The following RUNX3 variants were observed in gnomAD, a reference collection of about 807,000 sequenced individuals.
The protein encoded by RUNX3 is runt-related transcription factor 3.
Under a neutral mutation model 27.7 loss-of-function variants are expected in RUNX3, and 10 were observed. The observed-to-expected ratio is 0.36, with a 90% CI of 0.22 to 0.61. The LOEUF is 0.61. Among genes scored for constraint, RUNX3 ranks in the 20% least tolerant of loss-of-function variants. The probability of loss-of-function intolerance (pLI) is 0.72; values close to 1 mark genes in which losing one functional copy is unlikely to be tolerated. For synonymous variants in RUNX3, 270 were observed against 269.2 expected, an observed-to-expected ratio of 1.00 and a Z score of -0.03; for missense variants, 469 against 629.5, an observed-to-expected ratio of 0.75 and a Z score of 2.73.
chr1:24,964,995 C>T (rs1236033972), upstream of RUNX3: 2 of 246,120 alleles, frequency 8.1e-6, no homozygotes, highest in African/African-American at 2.2e-5. Context: ...TCCAGTGCCA[C>T]GGGGAATGAA....
intron 2 of RUNX3, among the ~76,000 whole-genome samples, chr1:24,937,223 G>A (rs1641368340): frequency 6.6e-6 from 1 of 152,196 alleles, no homozygotes; most frequent in Admixed American, 6.5e-5. Context: ...TCTGGCCTGT[G>A]ACCCATGCAG....
At chr1:24,918,224 G>A (rs1159389432) in intron 3 of RUNX3, among the ~76,000 whole-genome samples, 1 of 152,192 alleles carries the variant, frequency 6.6e-6, no homozygotes, top group East Asian at 1.9e-4. Context: ...CCAGCCCAGG[G>A]CTAGGCCTCC....
intron 2 of RUNX3, among the ~76,000 whole-genome samples, chr1:24,948,995 A>C (rs534386817): frequency 6.6e-6 from 1 of 152,076 alleles, no homozygotes; most frequent in African/African-American, 2.4e-5. Flanking sequence ...ACAATGAAAA[A>C]TCTTGGAAAA....
rs1485430613 is a variant in RUNX3, at chr1:24,902,793, C to T, written c.704-127G>A. On this transcript the variant is annotated intron_variant, in intron 4 of 4. Transcript: ENST00000308873. This position sits in a 1 kb window ranked among gnomAD's most constrained non-coding sequence, Gnocchi z 9.2. ...GACCCCTAGTTCTAGACCTGGCTCT[C>T]CTCTTCCTGCCCTAGGCTGCCCGGG... The T allele has an allele frequency of 1.3e-6, 1 of 761,378 alleles. No homozygotes were observed. The highest frequency in any genetic ancestry group is 1.8e-5 in the African/African-American group (1 of 56,578). The allele number at this position is 761,378 out of a possible 1,614,324, so 47.2% of individuals were successfully genotyped here. A position where few individuals can be genotyped will look rare whatever the true frequency, so the allele number is the denominator to read the frequency against.
At chr1:24,924,315 C>A (rs559618677) in intron 2 of RUNX3, among the ~76,000 whole-genome samples, 16 of 152,072 alleles carry the variant, frequency 1.1e-4, no homozygotes, top group Middle Eastern at 3.4e-3. Flanking sequence ...CTGCAGTGAT[C>A]GCACCACTGC....
chr1:24,934,396 G>C (rs1057377895), upstream of RUNX3, among the ~76,000 whole-genome samples: 32 of 152,048 alleles, frequency 2.1e-4, no homozygotes, highest in Non-Finnish European at 3.2e-4. Flanking sequence ...GAAAGTTCCA[G>C]ACTTGGAGGG....
chr1:24,930,858 C>T (rs1641212171), upstream of RUNX3, among the ~76,000 whole-genome samples: 1 of 152,174 alleles, frequency 6.6e-6, no homozygotes, highest in African/African-American at 2.4e-5. This position sits in a 1 kb window ranked among gnomAD's most constrained non-coding sequence, Gnocchi z 4.1. Flanking sequence ...GCTCCCAGCC[C>T]TGCGCGGCTT....
At chr1:24,911,820 G>A (rs1302302811) in intron 3 of RUNX3, among the ~76,000 whole-genome samples, 1 of 152,198 alleles carries the variant, frequency 6.6e-6, no homozygotes, top group African/African-American at 2.4e-5. Context: ...GCCTGTTCCG[G>A]GACCCAGGCT....
upstream of RUNX3, among the ~76,000 whole-genome samples, chr1:24,934,201 C>T (rs750747258): frequency 2.5e-4 from 38 of 152,086 alleles, no homozygotes; most frequent in Non-Finnish European, 4.7e-4. Flanking sequence ...AATATATAAG[C>T]GAGAAATGTT....
In RUNX3 at chr1:24,904,702, C is replaced by A. The variant is rs865912384; in HGVS notation, c.704-2036G>T. Among the ~76,000 whole-genome samples, 1 of 152,098 alleles carries A rather than the reference C, an allele frequency of 6.6e-6. No individual in the cohort carries two copies. Among genetic ancestry groups the A allele is most frequent in the Non-Finnish European group, 1.5e-5 (1 of 67,996 alleles). On this transcript the variant is annotated intron_variant, in intron 4 of 4. Transcript: ENST00000308873. The surrounding 1 kb of genome is among the most constrained non-coding windows in gnomAD (Gnocchi z 5.7). Reference sequence around the variant, plus strand: ...GCAGGACTGTGCCCCTCAGAGCTCACGCGGGCTGCAGGGCGCTGGGCTGGG... The same window carrying A: ...GCAGGACTGTGCCCCTCAGAGCTCAAGCGGGCTGCAGGGCGCTGGGCTGGG...
intron 2 of RUNX3, 78 bp from the exon 3 acceptor site, chr1:24,919,422 C>T (rs2124282730): frequency 1.1e-6 from 1 of 875,662 alleles, no homozygotes; most frequent in South Asian, 1.4e-5. Context: ...CCTGTATCTA[C>T]CCCTGGAAGC....
In RUNX3 at chr1:24,900,352, G is replaced by C. The variant is rs1640513351; in HGVS notation, c.*1770C>G. On this transcript the variant is annotated 3_prime_UTR_variant, in exon 5 of 5. Transcript: ENST00000308873. ...CGTTGTGACAGGTTGGGTGGGGACA[G>C]TGCTCTCACAGAGACAACCAATGAA... 2 of 152,410 alleles carry C rather than the reference G, an allele frequency of 1.3e-5. No individual in the cohort carries two copies. Among genetic ancestry groups the C allele is most frequent in the Non-Finnish European group, 2.9e-5 (2 of 68,072 alleles). The allele number at this position is 152,410 out of a possible 1,614,324, so 9.4% of individuals were successfully genotyped here. A position where few individuals can be genotyped will look rare whatever the true frequency, so the allele number is the denominator to read the frequency against.
At chr1:24,919,001 C>T (rs1640942165) in intron 3 of RUNX3, among the ~76,000 whole-genome samples, 1 of 152,222 alleles carries the variant, frequency 6.6e-6, no homozygotes, top group African/African-American at 2.4e-5. Context: ...TTCCTTGACT[C>T]CCTCAGTAGT....
At position 24,919,349 on chromosome 1, in the gene RUNX3, G is replaced by A. The variant is rs1464853346; in HGVS notation, c.440-5C>T. Reference sequence around the variant, plus strand: ...TGGTCAGGGTGAAACTCTTCCCTGGGGAGAGTGGGGAATAGAGGCAGGTGG... The same window carrying A: ...TGGTCAGGGTGAAACTCTTCCCTGGAGAGAGTGGGGAATAGAGGCAGGTGG... On this transcript the variant is annotated splice_region_variant and splice_polypyrimidine_tract_variant and intron_variant, in intron 2 of 4. Coordinates refer to ENST00000308873, the MANE Select transcript of RUNX3 (RefSeq NM_004350.3). 4.4e-6 allele frequency: 7 copies of A among 1,602,978 alleles called. No individual in the cohort carries two copies. Among genetic ancestry groups the A allele is most frequent in the Admixed American group, 1.7e-5 (1 of 59,760 alleles).
intron 2 of RUNX3, among the ~76,000 whole-genome samples, chr1:24,922,855 T>C (rs1471968495): frequency 6.6e-6 from 1 of 150,860 alleles, no homozygotes; most frequent in Non-Finnish European, 1.5e-5. Context: ...CCACTCCCTT[T>C]CTCTATTCCC....
Position 24,902,790 on chromosome 1 carries a change from T to G in RUNX3, c.704-124A>C. On this transcript the variant is annotated intron_variant, in intron 4 of 4. Coordinates refer to ENST00000308873, the MANE Select transcript of RUNX3 (RefSeq NM_004350.3). This position sits in a 1 kb window ranked among gnomAD's most constrained non-coding sequence, Gnocchi z 9.2. ...GGGGACCCCTAGTTCTAGACCTGGC[T>G]CTCCTCTTCCTGCCCTAGGCTGCCC... The G allele has an allele frequency of 1.2e-6, 1 of 806,492 alleles. No individual in the cohort carries two copies. Among genetic ancestry groups the G allele is most frequent in the Non-Finnish European group, 1.8e-6 (1 of 556,234 alleles). 50.0% of individuals were successfully genotyped at this position (806,492 alleles called of 1,614,324 possible).
intron 2 of RUNX3, among the ~76,000 whole-genome samples, chr1:24,948,167 A>G (rs1041495938): frequency 2.2e-4 from 33 of 152,288 alleles, no homozygotes; most frequent in African/African-American, 7.5e-4. Flanking sequence ...ACCCCCAGGA[A>G]GAGGAAGGAT....
Position 24,914,152 on chromosome 1 carries a change from C to T in RUNX3, c.544+5088G>A, listed in dbSNP as rs991122029. Among the ~76,000 whole-genome samples the T allele has an allele frequency of 2.0e-5, 3 of 152,230 alleles. No individual in the cohort carries two copies. The South Asian group carries it at 6.2e-4, about 32-fold the overall frequency. On this transcript the variant is annotated intron_variant, in intron 3 of 4. Transcript: ENST00000308873. ...ATGAGAGAAGAGCTGGGTCACCTGG[C>T]CGTAAGGTCCAGCTGGCAAGAGGCC...
At chr1:24,964,406 A>C (rs1393678294) in intron 2 of RUNX3, 1 of 859,338 alleles carries the variant, frequency 1.2e-6, no homozygotes, top group Non-Finnish European at 1.9e-6. Flanking sequence ...CAGCGGATTT[A>C]GGCGGACAGG....
Sources: gnomAD v4.1 joint callset for allele counts (sites outside exome capture counted in the v4.1 genomes callset) on GRCh38, gnomAD v4.1.1 for gene constraint, Gnocchi (gnomAD v3.1) non-coding constraint, MANE v1.5 for transcripts, NCBI Gene and HGNC (gene_info 2026-07-23, HGNC 2026-07-21) for gene names.